Variants in IKBKE observed in about 807,000 individuals in gnomAD.
The protein encoded by IKBKE is inhibitor of nuclear factor kappa-B kinase subunit epsilon.
A neutral mutation model predicts 92.1 loss-of-function variants in IKBKE; 45 were observed. The observed-to-expected ratio is 0.49, with a 90% CI of 0.38 to 0.63. The LOEUF (loss-of-function observed/expected upper bound fraction) is 0.63. Ranked by LOEUF, IKBKE falls within the 20% of genes least tolerant of loss-of-function variation. The probability of loss-of-function intolerance (pLI) is 0.00; values close to 1 mark genes in which losing one functional copy is unlikely to be tolerated. For missense variants in IKBKE, 700 were observed against 932.8 expected, an observed-to-expected ratio of 0.75 and a Z score of 3.25; for synonymous variants, 374 against 380.3, an observed-to-expected ratio of 0.98 and a Z score of 0.19.
In IKBKE at chr1:206,479,078, C is replaced by G. The variant is rs1665225837; in HGVS notation, c.1128C>G (p.Ser376Arg). 3.1e-6 allele frequency: 5 copies of G among 1,613,584 alleles called. No individual in the cohort carries two copies. The Middle Eastern group carries it at 8.2e-4, about 266-fold the overall frequency. ...SAQHIAHTTASSPLTLFSTAI... is the reference protein window; with the variant it reads ...SAQHIAHTTARSPLTLFSTAI... ...AGCACATCGCCCACACGACGGCAAG[C>G]AGCCCCCTGACCCTCTTCAGCACAG... The change falls in exon 10 of 22, where the codon AGC becomes AGG. Residue 376 changes from serine (S) to arginine (R), a missense_variant. By Grantham distance (110) the Ser-to-Arg change is moderately radical (BLOSUM62 -1). Transcript: ENST00000581977.
intron 13 of IKBKE, 65 bp downstream of exon 13, chr1:206,480,598 T>C: frequency 8.5e-7 from 1 of 1,170,850 alleles, no homozygotes; most frequent in Non-Finnish European, 1.2e-6. Flanking sequence ...TCACCCTAGA[T>C]ACTTCCAACA....
chr1:206,476,244 T>A lies in IKBKE; in HGVS notation c.422T>A (p.Ile141Asn). 3 of 1,614,048 alleles carry A rather than the reference T, an allele frequency of 1.9e-6. No homozygotes were observed. The South Asian group carries it at 3.3e-5, about 18-fold the overall frequency. ...CATCGCGACATCAAGCCGGGGAACA[T>A]CATGCGCCTCGTAGGGGAGGAGGGG... is the stretch of plus-strand genomic sequence containing the variant. Reference protein sequence around the residue: ...IVHRDIKPGNIMRLVGEEGQS... With the variant: ...IVHRDIKPGNNMRLVGEEGQS... The change falls in exon 6 of 22, where the codon ATC becomes AAC. Residue 141 changes from isoleucine to asparagine, a missense_variant. Ile to Asn is a moderately radical substitution (Grantham distance 149). Transcript: ENST00000581977. The surrounding 1 kb of genome is among the most constrained non-coding windows in gnomAD (Gnocchi z 5.1).
rs2103477582 is a variant in IKBKE, at chr1:206,487,995, G to A, written c.1693+5G>A. On this transcript the variant is annotated splice_donor_5th_base_variant and intron_variant, in intron 16 of 21. Transcript: ENST00000581977. This position sits in a 1 kb window ranked among gnomAD's most constrained non-coding sequence, Gnocchi z 5.3. Reference sequence around the variant, plus strand: ...AGAAGTCTAGGATGAGGCCAGGTGAGCCCGGGGAGGGCAGATGCCCCTTCT... The same window carrying A: ...AGAAGTCTAGGATGAGGCCAGGTGAACCCGGGGAGGGCAGATGCCCCTTCT... 1 of 1,608,754 alleles carries A rather than the reference G, an allele frequency of 6.2e-7. No individual in the cohort carries two copies. The highest frequency in any genetic ancestry group is 8.5e-7 in the Non-Finnish European group (1 of 1,175,676).
At chr1:206,488,629 T>G (rs1665785750) in intron 16 of IKBKE, among the ~76,000 whole-genome samples, 1 of 152,058 alleles carries the variant, frequency 6.6e-6, no homozygotes, top group Non-Finnish European at 1.5e-5. Context: ...GAGGCTCCAG[T>G]TGACTCCTCA....
intron 3 of IKBKE, 140 bp downstream of exon 3, chr1:206,473,454 G>A (rs1363130846): frequency 9.4e-6 from 6 of 636,902 alleles, no homozygotes; most frequent in African/African-American, 1.9e-5. Context: ...CACTCATACT[G>A]TGGGTTTGAG....
chr1:206,492,433 A>G (rs1405421544), intron 18 of IKBKE: 3 of 471,326 alleles, frequency 6.4e-6, no homozygotes, highest in Non-Finnish European at 8.8e-6. Context: ...CCGTCCTCAT[A>G]TCAGAATACC....
chr1:206,473,291 A>G lies in IKBKE; in HGVS notation c.64A>G (p.Ser22Gly). 1 of 1,612,782 alleles carries G rather than the reference A, an allele frequency of 6.2e-7. No individual in the cohort carries two copies. Among genetic ancestry groups the G allele is most frequent in the Non-Finnish European group, 8.5e-7 (1 of 1,179,424 alleles). ...DDLLGQGATA[S>G]VYKARNKKSG... ...CCTGCTGGGGCAGGGGGCCACTGCC[A>G]GTGTGTACAAGGCCCGCAACAAGGT... is the stretch of plus-strand genomic sequence containing the variant. Residue 22 changes from serine (S) to glycine (G), a missense_variant, in exon 3 of 22, where the codon AGT (serine) becomes GGT (glycine). By Grantham distance (56) the Ser-to-Gly change is moderately conservative. Coordinates refer to ENST00000581977, the MANE Select transcript of IKBKE (RefSeq NM_014002.4).
chr1:206,489,473 C>T (rs1289979459), intron 16 of IKBKE, among the ~76,000 whole-genome samples: 4 of 149,408 alleles, frequency 2.7e-5, no homozygotes, highest in Admixed American at 6.7e-5. Context: ...AAAACTGAAG[C>T]GGGAGGATCA....
At chr1:206,477,938 G>A in intron 8 of IKBKE, 79 bp downstream of exon 8, 1 of 1,065,212 alleles carries the variant, frequency 9.4e-7, no homozygotes, top group South Asian at 1.4e-5. Context: ...AGACTTCTGA[G>A]GCCTGTTCCA....
In IKBKE at chr1:206,474,181, A is replaced by G. The variant is rs1390005907; in HGVS notation, c.88-150A>G. 14 of 703,298 alleles carry G rather than the reference A, an allele frequency of 2.0e-5. No homozygotes were observed. In the East Asian group the frequency reaches 3.1e-4, roughly 15 times the overall value. The allele number at this position is 703,298 out of a possible 1,614,324, so 43.6% of individuals were successfully genotyped here. A position where few individuals can be genotyped will look rare whatever the true frequency, so the allele number is the denominator to read the frequency against. ...CCCTTGAGAGGGAAAGGCGGTGCGG[A>G]TGGGAGCCCCCATCCAACCAGGCTA... On this transcript the variant is annotated intron_variant, in intron 3 of 21. Coordinates refer to ENST00000581977, the MANE Select transcript of IKBKE (RefSeq NM_014002.4).
intron 13 of IKBKE, among the ~76,000 whole-genome samples, chr1:206,484,486 C>A (rs1665553234): frequency 6.6e-6 from 1 of 152,164 alleles, no homozygotes; most frequent in Non-Finnish European, 1.5e-5. Context: ...AAATGCCCAC[C>A]CCATTATCAA....
At chr1:206,482,772 G>T (rs1553387478) in intron 13 of IKBKE, among the ~76,000 whole-genome samples, 1 of 152,224 alleles carries the variant, frequency 6.6e-6, no homozygotes, top group Admixed American at 6.5e-5. Context: ...CGGCCTCCCA[G>T]CTCCCACATG....
rs782054617 is a variant in IKBKE, at chr1:206,479,044, T to A, written c.1094T>A (p.Val365Asp). The change falls in exon 10 of 22, where the codon GTC becomes GAC. Residue 365 changes from valine (V) to aspartate (D), a missense_variant. Val to Asp is a radical substitution (Grantham distance 152). Transcript: ENST00000581977. ...EGHLCVLEPS[V>D]SAQHIAHTTA... ...CACCTCTGTGTCCTCGAGCCCAGCG[T>A]CTCAGCACAGCACATCGCCCACACG... The A allele has an allele frequency of 1.2e-6, 2 of 1,613,934 alleles. No individual in the cohort carries two copies. The highest frequency in any genetic ancestry group is 1.3e-5 in the African/African-American group (1 of 74,964).
intron 15 of IKBKE, among the ~76,000 whole-genome samples, chr1:206,486,227 G>A (rs1665651770): frequency 6.6e-6 from 1 of 152,230 alleles, no homozygotes; most frequent in African/African-American, 2.4e-5. Context: ...ACACTGTGTG[G>A]GTACCAAATT....
At chr1:206,475,579 A>G (rs1359076225) in intron 5 of IKBKE, among the ~76,000 whole-genome samples, 2 of 152,174 alleles carry the variant, frequency 1.3e-5, no homozygotes, top group African/African-American at 2.4e-5. Context: ...TACTAAAAAA[A>G]TACAAAAATT....
chr1:206,495,392 G>C (rs556891193), intron 21 of IKBKE, among the ~76,000 whole-genome samples: 4 of 152,194 alleles, frequency 2.6e-5, no homozygotes, highest in Non-Finnish European at 4.4e-5. Context: ...CTTGCGCATA[G>C]GGGGGTGTGG....
chr1:206,493,142 AG>A, intron 19 of IKBKE, 23 bp downstream of exon 19: 1 of 1,580,824 alleles, frequency 6.3e-7, no homozygotes, highest in Non-Finnish European at 8.6e-7. Flanking sequence ...GAAGGATTCT[AG>A]GTGCTCTGGG....
chr1:206,491,447 G>T (rs1665949607), intron 17 of IKBKE: 1 of 496,004 alleles, frequency 2.0e-6, no homozygotes, highest in Non-Finnish European at 3.7e-6. Flanking sequence ...GTTGATGTGG[G>T]CTTTGCTGGC....
chr1:206,496,255 C>T lies in IKBKE; in HGVS notation c.*110C>T. On this transcript the variant is annotated 3_prime_UTR_variant, in exon 22 of 22. Coordinates refer to ENST00000581977, the MANE Select transcript of IKBKE (RefSeq NM_014002.4). ...GATCCCATCCCATCACATCAGCCTA[C>T]CTCCCTCCTGGCTGCTGGCCAGGAT... The T allele has an allele frequency of 1.1e-6, 1 of 882,114 alleles. No individual in the cohort carries two copies. The highest frequency in any genetic ancestry group is 1.9e-6 in the Non-Finnish European group (1 of 525,124). The allele number at this position is 882,114 out of a possible 1,614,324, so 54.6% of individuals were successfully genotyped here.
Sources: allele counts gnomAD v4.1 joint callset (sites outside exome capture counted in the v4.1 genomes callset), GRCh38; gene constraint gnomAD v4.1.1; non-coding constraint Gnocchi (gnomAD v3.1); transcripts MANE v1.5; gene names NCBI Gene and HGNC (gene_info 2026-07-23, HGNC 2026-07-21).